CHD6: variants seen among roughly 807,000 people sequenced by gnomAD.
CHD6 encodes the protein chromodomain helicase DNA binding protein 6.
CHD6 carries 50 observed loss-of-function variants against 276.9 expected under a neutral mutation model. That is an observed-to-expected ratio of 0.18 (90% CI 0.14 to 0.23). The LOEUF (loss-of-function observed/expected upper bound fraction) is 0.23. CHD6 is among the 10% of genes least tolerant of loss of function. The pLI, the probability that CHD6 is intolerant of heterozygous loss-of-function variation, is 1.00. For missense variants in CHD6, 2,564 were observed against 3,365.8 expected (o/e 0.76, Z 5.89); for synonymous variants, 1,173 against 1,229.3 (o/e 0.95, Z 0.96).
chr20:41,572,043 CTAT>C (rs2045422971), intron 1 of CHD6, among the ~76,000 whole-genome samples: 1 of 152,178 alleles, frequency 6.6e-6, no homozygotes, highest in Non-Finnish European at 1.5e-5. Context: ...TTGTACTTAG[CTAT>C]TATTTAGTCA....
chr20:41,475,900 T>C (rs2043157908), intron 16 of CHD6, among the ~76,000 whole-genome samples: 1 of 152,212 alleles, frequency 6.6e-6, no homozygotes, highest in Non-Finnish European at 1.5e-5. Flanking sequence ...TTTTTGTGTA[T>C]TATAATGTAA....
Position 41,533,207 on chromosome 20 carries a change from C to A in CHD6, c.397G>T (p.Ala133Ser). ...EPKEPKEPRK[A>S]KEPKKAKEHK... ...TCCTTGGCCTTCTTCGGCTCCTTGG[C>A]CTTTCTGGGTTCCTTTGGCTCTTTC... Residue 133 changes from alanine to serine, a missense_variant, in exon 3 of 37, where the codon GCC (alanine) becomes TCC (serine). Transcript: ENST00000373233. 6.2e-7 allele frequency: 1 copy of A among 1,613,760 alleles called. No individual in the cohort carries two copies. Among genetic ancestry groups the A allele is most frequent in the Non-Finnish European group, 8.5e-7 (1 of 1,180,026 alleles).
intron 12 of CHD6, 102 bp downstream of exon 12, chr20:41,489,676 T>G (rs943527336): frequency 3.3e-5 from 48 of 1,445,062 alleles, no homozygotes; most frequent in Admixed American, 6.9e-5. Context: ...TCATTCCACA[T>G]TAATACAAGA....
At chr20:41,532,099 A>C (rs1026357067) in intron 3 of CHD6, among the ~76,000 whole-genome samples, 1 of 152,212 alleles carries the variant, frequency 6.6e-6, no homozygotes, top group African/African-American at 2.4e-5. Context: ...AAAATGAGAA[A>C]TATAATATTT....
At chr20:41,456,871 G>A (rs1240529262) in intron 18 of CHD6, among the ~76,000 whole-genome samples, 3 of 152,134 alleles carry the variant, frequency 2.0e-5, no homozygotes, top group Admixed American at 6.6e-5. Flanking sequence ...AATATGCCGA[G>A]CACTGTTAGG....
chr20:41,411,988 T>TTGC, intron 36 of CHD6, among the ~76,000 whole-genome samples, 156 bp downstream of exon 36: 1 of 152,352 alleles, frequency 6.6e-6, no homozygotes, highest in Middle Eastern at 3.4e-3. Context: ...GCACCATTTC[T>TTGC]TGCTGCTAAT....
At chr20:41,511,265 G>A (rs2145956899) in intron 5 of CHD6, among the ~76,000 whole-genome samples, 1 of 152,322 alleles carries the variant, frequency 6.6e-6, no homozygotes, top group African/African-American at 2.4e-5. Flanking sequence ...GCTCCATACA[G>A]TGTGAATTCT....
chr20:41,434,133 G>A (rs558787093), intron 27 of CHD6, among the ~76,000 whole-genome samples: 1 of 152,100 alleles, frequency 6.6e-6, no homozygotes, highest in Non-Finnish European at 1.5e-5. Context: ...GACCGGCAGA[G>A]CGTATTAAAG....
At chr20:41,579,551 A>G (rs1195371088) in intron 1 of CHD6, among the ~76,000 whole-genome samples, 1 of 152,144 alleles carries the variant, frequency 6.6e-6, no homozygotes, top group Admixed American at 6.5e-5. Flanking sequence ...GAAGGCCTAC[A>G]TCTGTAAAAC....
intron 17 of CHD6, chr20:41,459,372 C>T (rs2048474032): frequency 6.6e-6 from 1 of 152,412 alleles, no homozygotes; most frequent in Non-Finnish European, 1.5e-5. Flanking sequence ...CCTCCTGCCA[C>T]TTGGCCCACT....
At chr20:41,616,962 T>G (rs1262789414) in intron 1 of CHD6, among the ~76,000 whole-genome samples, 4 of 152,114 alleles carry the variant, frequency 2.6e-5, no homozygotes, top group Non-Finnish European at 5.9e-5. Flanking sequence ...TCTGCCCCGG[T>G]GTTTTTTCCC....
chr20:41,572,604 T>A (rs1282027558), intron 1 of CHD6, among the ~76,000 whole-genome samples: 2 of 152,154 alleles, frequency 1.3e-5, no homozygotes, highest in East Asian at 3.9e-4. Flanking sequence ...GCCTTCCCAA[T>A]GCGGACTCTG....
intron 3 of CHD6, among the ~76,000 whole-genome samples, chr20:41,527,251 A>G (rs1340575392): frequency 6.6e-6 from 1 of 152,142 alleles, no homozygotes; most frequent in African/African-American, 2.4e-5. Context: ...AGCCCGGCCA[A>G]CATAGCAAAA....
intron 1 of CHD6, among the ~76,000 whole-genome samples, chr20:41,563,168 TGAG>T (rs1327415930): frequency 2.0e-5 from 3 of 152,214 alleles, no homozygotes; most frequent in Non-Finnish European, 4.4e-5. Context: ...TCCTTGTCTG[TGAG>T]GAGATGGCAA....
Position 41,402,994 on chromosome 20 carries a change from T to C in CHD6, c.*1599A>G, listed in dbSNP as rs1297831401. The C allele has an allele frequency of 4.8e-6, 1 of 208,334 alleles. No individual in the cohort carries two copies. Among genetic ancestry groups the C allele is most frequent in the East Asian group, 7.4e-5 (1 of 13,506 alleles). 12.9% of individuals were successfully genotyped at this position (208,334 alleles called of 1,614,324 possible). A position where few individuals can be genotyped will look rare whatever the true frequency, so the allele number is the denominator to read the frequency against. ...ACTTTTTGAAGATACATCTGATTGA[T>C]TTTTTTCAGTCATGATTTAACAGAC... On this transcript the variant is annotated 3_prime_UTR_variant, in exon 37 of 37. Coordinates refer to ENST00000373233, the MANE Select transcript of CHD6 (RefSeq NM_032221.5).
chr20:41,418,142 G>T (rs192570269), intron 31 of CHD6, among the ~76,000 whole-genome samples: 1 of 152,324 alleles, frequency 6.6e-6, no homozygotes, highest in Admixed American at 6.5e-5. Flanking sequence ...GAAAAACAGG[G>T]CCTTGCTAGG....
Position 41,417,263 on chromosome 20 carries a change from G to A in CHD6, c.6214C>T (p.Arg2072Ter). 1 of 1,614,114 alleles carries A rather than the reference G, an allele frequency of 6.2e-7. No homozygotes were observed. Among genetic ancestry groups the A allele is most frequent in the Non-Finnish European group, 8.5e-7 (1 of 1,180,004 alleles). The change falls in exon 32 of 37, where the codon CGA becomes TGA. Residue 2072 changes from arginine (R) to a stop codon, truncating the protein, a stop_gained. Transcript: ENST00000373233. LOFTEE classifies it high-confidence loss of function. ...AGCAGCTGAGCAATAGTGGGAGCTC[G>A]AGCCTCCTGTAGCTCATCCCCAATG... The part of the protein sequence containing the change: ...GDIGDELQEA[R>*]APTIAQLLQE...
intron 3 of CHD6, among the ~76,000 whole-genome samples, chr20:41,532,324 G>T (rs2044705721): frequency 6.6e-6 from 1 of 152,144 alleles, no homozygotes; most frequent in African/African-American, 2.4e-5. Context: ...GAATGGTCCT[G>T]CACTCAGAGC....
chr20:41,466,945 G>A (rs1052686808), intron 17 of CHD6, among the ~76,000 whole-genome samples: 3 of 152,082 alleles, frequency 2.0e-5, no homozygotes, highest in African/African-American at 7.2e-5. Context: ...AAACCAACAT[G>A]CCTGCTTTCC....
Sources: allele counts gnomAD v4.1 joint callset (sites outside exome capture counted in the v4.1 genomes callset), GRCh38; gene constraint gnomAD v4.1.1; transcripts MANE v1.5; gene names NCBI Gene and HGNC (gene_info 2026-07-23, HGNC 2026-07-21).